The following HHIPL1 variants were observed in gnomAD, a reference collection of about 807,000 sequenced individuals.
HHIPL1 encodes the protein HHIP like 1.
HHIPL1 carries 43 observed loss-of-function variants against 61.8 expected under a neutral mutation model. The ratio of observed to expected loss-of-function variants is 0.70; its 90% CI spans 0.55 to 0.90. The LOEUF (loss-of-function observed/expected upper bound fraction) is 0.90. Among genes scored for constraint, HHIPL1 ranks in the 40% least tolerant of loss-of-function variants. HHIPL1 has a pLI of 0.00. For missense variants in HHIPL1, 1,056 were observed against 1,157.7 expected, an observed-to-expected ratio of 0.91 and a Z score of 1.28; for synonymous variants, 482 against 515.8, an observed-to-expected ratio of 0.93 and a Z score of 0.89.
chr14:99,627,040 A>G, the HHIPL1 span, among the ~76,000 whole-genome samples: 1 of 152,150 alleles, frequency 6.6e-6, no homozygotes, highest in Non-Finnish European at 1.5e-5. The surrounding 1 kb of genome is among the most constrained non-coding windows in gnomAD (Gnocchi z 4.4). Flanking sequence ...AGTCTGTCAG[A>G]GCCCAGAGCC....
chr14:99,635,107 G>T, the HHIPL1 span, among the ~76,000 whole-genome samples: 1 of 151,992 alleles, frequency 6.6e-6, no homozygotes, highest in African/African-American at 2.4e-5. Context: ...GGCAGGGGAG[G>T]GACACTCAAC....
upstream of HHIPL1, among the ~76,000 whole-genome samples, chr14:99,640,135 T>C (rs1246318728): frequency 6.6e-6 from 1 of 152,244 alleles, no homozygotes; most frequent in African/African-American, 2.4e-5. Context: ...ACCTGCCTTC[T>C]CTGGTTTTAA....
In HHIPL1 at chr14:99,675,166, C is replaced by A; in HGVS notation, c.1889C>A (p.Pro630His). ...ACGCGGGCGCCCCGCCGAGGGCGCCCCACGGCCGCTCCCCCCGCGCCAACC... is the reference window on the plus strand; with the variant it reads ...ACGCGGGCGCCCCGCCGAGGGCGCCACACGGCCGCTCCCCCCGCGCCAACC... Reference protein sequence around the residue: ...APTRAPRRGRPTAAPPAPTPR... With the variant: ...APTRAPRRGRHTAAPPAPTPR... Residue 630 changes from proline (P) to histidine (H), a missense_variant, in exon 9 of 9, where the codon CCC becomes CAC. Pro to His is a moderately conservative substitution (Grantham distance 77). Coordinates refer to ENST00000330710, the MANE Select transcript of HHIPL1 (RefSeq NM_001127258.3). The surrounding 1 kb of genome is among the most constrained non-coding windows in gnomAD (Gnocchi z 5.4). 9.0e-7 allele frequency: 1 copy of A among 1,109,402 alleles called. No individual in the cohort carries two copies. The highest frequency in any genetic ancestry group is 4.2e-5 in the South Asian group (1 of 23,794). The allele number at this position is 1,109,402 out of a possible 1,614,324, so 68.7% of individuals were successfully genotyped here.
chr14:99,644,971 C>A (rs1595143388), upstream of HHIPL1: 1 of 370,592 alleles, frequency 2.7e-6, no homozygotes, highest in East Asian at 4.0e-5. Flanking sequence ...CCGGGCCACT[C>A]CCATCGAATT....
upstream of HHIPL1, among the ~76,000 whole-genome samples, chr14:99,643,037 C>G (rs1455147338): frequency 6.6e-6 from 1 of 151,654 alleles, no homozygotes; most frequent in African/African-American, 2.4e-5. Flanking sequence ...CTCCTTCTGA[C>G]TGACTTTTTT....
intron 6 of HHIPL1, among the ~76,000 whole-genome samples, chr14:99,667,531 G>C (rs1002607455): frequency 2.0e-5 from 3 of 152,084 alleles, no homozygotes; most frequent in African/African-American, 7.2e-5. Flanking sequence ...TTGAGGCTTA[G>C]AATGGGACCA....
chr14:99,632,909 G>C, the HHIPL1 span, among the ~76,000 whole-genome samples: 1 of 152,066 alleles, frequency 6.6e-6, no homozygotes, highest in African/African-American at 2.4e-5. Context: ...GAAACAGAGA[G>C]ATAGACTATT....
chr14:99,663,776 C>A (rs1274902634), intron 6 of HHIPL1, among the ~76,000 whole-genome samples: 1 of 152,274 alleles, frequency 6.6e-6, no homozygotes, highest in East Asian at 1.9e-4. Context: ...CCTCTTACCC[C>A]CACCTCACCC....
the HHIPL1 span, among the ~76,000 whole-genome samples, chr14:99,619,307 A>G: frequency 6.6e-6 from 1 of 151,802 alleles, no homozygotes; most frequent in African/African-American, 2.4e-5. Flanking sequence ...CTAAAAATAC[A>G]AAAAATTAGC....
At chr14:99,640,877 C>CTTTTTTTTTTTTTTTTTTT (rs59137552), upstream of HHIPL1, among the ~76,000 whole-genome samples, 2 of 69,856 alleles carry the variant, frequency 2.9e-5, no homozygotes, top group Non-Finnish European at 5.4e-5. Context: ...ACTTCTTCTT[C>CTTTTTTTTTTTTTTTTTTT]TTTTTTTTTT....
chr14:99,617,823 A>G, the HHIPL1 span, among the ~76,000 whole-genome samples: 1 of 152,094 alleles, frequency 6.6e-6, no homozygotes, highest in Non-Finnish European at 1.5e-5. Flanking sequence ...CCAGTTTGCA[A>G]AGCACTCTCT....
the HHIPL1 span, among the ~76,000 whole-genome samples, chr14:99,626,816 C>T: frequency 7.9e-5 from 12 of 152,216 alleles, no homozygotes; most frequent in Non-Finnish European, 1.3e-4. Flanking sequence ...GGCCTGCAGG[C>T]TCCTCTGCGC....
In HHIPL1 at chr14:99,677,925, A is replaced by C. The variant is rs2056406794; in HGVS notation, c.*2299A>C. The C allele has an allele frequency of 6.6e-6, 1 of 151,874 alleles. No homozygotes were observed. Among genetic ancestry groups the C allele is most frequent in the South Asian group, 2.1e-4 (1 of 4,814 alleles). 9.4% of individuals were successfully genotyped at this position (151,874 alleles called of 1,614,324 possible). On this transcript the variant is annotated 3_prime_UTR_variant, in exon 9 of 9. Coordinates refer to ENST00000330710, the MANE Select transcript of HHIPL1 (RefSeq NM_001127258.3). This position sits in a 1 kb window ranked among gnomAD's most constrained non-coding sequence, Gnocchi z 4.3. ...CTAGGCTGCAGCCTGCCTCCTGGGG[A>C]CTCACTCCACAGTCCCCAGGTCAGT...
chr14:99,623,503 A>G, the HHIPL1 span, among the ~76,000 whole-genome samples: 55 of 152,090 alleles, frequency 3.6e-4, 1 homozygote, highest in Middle Eastern at 0.014. Context: ...AGTAGCCTCA[A>G]CTTCCTGGGC....
chr14:99,662,174 G>A lies in HHIPL1; in HGVS notation c.1503-702G>A, dbSNP rs76556496. On this transcript the variant is annotated intron_variant, in intron 5 of 8. Coordinates refer to ENST00000330710, the MANE Select transcript of HHIPL1 (RefSeq NM_001127258.3). ...GAGATGAATAGGACCCCTCGTACCC[G>A]AGCCAGGGAGACAGACCCATTCAGT... Among the ~76,000 whole-genome samples, 625 of 152,148 alleles carry A rather than the reference G, an allele frequency of 4.1e-3. 5 individuals are homozygous for A. Among genetic ancestry groups the A allele is most frequent in the African/African-American group, 0.014 (596 of 41,516 alleles).
chr14:99,638,152 A>G, the HHIPL1 span, among the ~76,000 whole-genome samples: 1 of 152,198 alleles, frequency 6.6e-6, no homozygotes, highest in Non-Finnish European at 1.5e-5. Context: ...TTGCCTGGCC[A>G]TGATCTATAC....
Position 99,662,425 on chromosome 14 carries a change from G to A in HHIPL1, c.1503-451G>A, listed in dbSNP as rs560847761. 2.9e-4 allele frequency among the ~76,000 whole-genome samples: 44 copies of A among 152,320 alleles called. No homozygotes were observed. In the South Asian group the frequency reaches 7.5e-3, roughly 26 times the overall value. ...CTGAAACCAGTGAGCTCTTGAAAGC[G>A]CTGTGCCCTCTGTAGGATCCAGTGG... On this transcript the variant is annotated intron_variant, in intron 5 of 8. Transcript: ENST00000330710.
At position 99,668,598 on chromosome 14, in the gene HHIPL1, GC is replaced by G. The variant is rs1432888516; in HGVS notation, c.1730+298del. Among the ~76,000 whole-genome samples, 2 of 152,072 alleles carry G rather than the reference GC, an allele frequency of 1.3e-5. No homozygotes were observed. Among genetic ancestry groups the G allele is most frequent in the Non-Finnish European group, 2.9e-5 (2 of 67,996 alleles). On this transcript the variant is annotated intron_variant, in intron 7 of 8. Coordinates refer to ENST00000330710, the MANE Select transcript of HHIPL1 (RefSeq NM_001127258.3). The surrounding 1 kb of genome is among the most constrained non-coding windows in gnomAD (Gnocchi z 4.7). The stretch of plus-strand genomic sequence containing the variant: ...TTCACTTGGCTTTCTTGCCTGGCCC[GC>G]CCTCCCTGCGTCTTCCTCCTGTCTA...
At chr14:99,626,588 A>C in the HHIPL1 span, among the ~76,000 whole-genome samples, 1 of 152,236 alleles carries the variant, frequency 6.6e-6, no homozygotes, top group South Asian at 2.1e-4. Context: ...GGGTGCCCAG[A>C]CTGCAGTTTG....
Sources: allele counts gnomAD v4.1 joint callset (sites outside exome capture counted in the v4.1 genomes callset), GRCh38; gene constraint gnomAD v4.1.1; non-coding constraint Gnocchi (gnomAD v3.1); transcripts MANE v1.5; gene names NCBI Gene and HGNC (gene_info 2026-07-23, HGNC 2026-07-21).